The following ZNF831 variants were observed in gnomAD, a reference collection of about 807,000 sequenced individuals.
ZNF831 encodes chromosome 20 open reading frame 174.
A neutral mutation model predicts 95.8 loss-of-function variants in ZNF831; 59 were observed. The observed-to-expected ratio is 0.62, with a 90% confidence interval of 0.50 to 0.77. ZNF831 has a LOEUF of 0.77. Ranked by LOEUF, ZNF831 falls within the 30% of genes least tolerant of loss-of-function variation. The pLI, the probability that ZNF831 is intolerant of heterozygous loss-of-function variation, is 0.00. For synonymous variants in ZNF831, 961 were observed against 925.5 expected, an observed-to-expected ratio of 1.04 and a Z score of -0.70; for missense variants, 2,205 against 2,164.0, an observed-to-expected ratio of 1.02 and a Z score of -0.38.
rs1276274685 is a variant in ZNF831 at position 59,191,177 on chromosome 20, T to G, written c.158T>G (p.Val53Gly). The G allele has an allele frequency of 3.1e-6, 5 of 1,600,258 alleles. No individual in the cohort carries two copies. Among genetic ancestry groups the G allele is most frequent in the Non-Finnish European group, 3.4e-6 (4 of 1,176,276 alleles). ...PPEQGLAPPT[V>G]FLKALPIPLY... ...GAGCAGGGCCTGGCCCCCCCCACTG[T>G]GTTCCTGAAGGCCCTGCCCATCCCA... is the stretch of plus-strand genomic sequence containing the variant. Residue 53 changes from valine to glycine, a missense_variant, in exon 2 of 6, where the codon GTG becomes GGG. By Grantham distance (109) the Val-to-Gly change is moderately radical (BLOSUM62 -3). Coordinates refer to ENST00000371030, the MANE Select transcript of ZNF831 (RefSeq NM_178457.3).
intron 4 of ZNF831, among the ~76,000 whole-genome samples, chr20:59,213,485 T>C (rs6026763): frequency 0.014 from 2,181 of 152,314 alleles, 62 homozygotes; most frequent in African/African-American, 0.05. Context: ...AAGACCTTGT[T>C]TACCAAGCTG....
intron 3 of ZNF831, among the ~76,000 whole-genome samples, chr20:59,197,491 C>T (rs902222820): frequency 8.5e-5 from 13 of 152,190 alleles, no homozygotes; most frequent in African/African-American, 3.1e-4. Context: ...TGCACCCCAG[C>T]CTGTCCTGGG....
rs533848524 is a variant in ZNF831 at position 59,233,734 on chromosome 20, C to T, written c.4028-19244C>T. 4.6e-5 allele frequency among the ~76,000 whole-genome samples: 7 copies of T among 152,298 alleles called. No homozygotes were observed. The South Asian group carries it at 1.4e-3, about 32-fold the overall frequency. ...TATTTTTCAGACCTACATCACTCCT[C>T]TGCTTTATCCCAAACACATGACAGG... On this transcript the variant is annotated intron_variant, in intron 4 of 5. Transcript: ENST00000371030.
In ZNF831 at chr20:59,191,679, C is replaced by T. The variant is rs755456151; in HGVS notation, c.660C>T (p.Ala220=). The part of the protein sequence containing the change: ...GGGLLEEGDK[A]GEPPRPEGRG... Reference sequence around the variant, plus strand: ...GCCTCCTGGAGGAAGGGGACAAGGCCGGAGAGCCCCCCAGACCAGAGGGCA... The same window carrying T: ...GCCTCCTGGAGGAAGGGGACAAGGCTGGAGAGCCCCCCAGACCAGAGGGCA... Residue 220 remains alanine, a synonymous_variant, in exon 2 of 6, where the codon GCC becomes GCT. Transcript: ENST00000371030. 3.8e-6 allele frequency: 6 copies of T among 1,558,990 alleles called. No homozygotes were observed. Among genetic ancestry groups the T allele is most frequent in the South Asian group, 3.7e-5 (3 of 81,816 alleles).
chr20:59,186,224 G>C (rs888634274), intron 1 of ZNF831, among the ~76,000 whole-genome samples: 1 of 152,100 alleles, frequency 6.6e-6, no homozygotes, highest in African/African-American at 2.4e-5. Flanking sequence ...TTCCTTACAA[G>C]TGTTTCCTGG....
intron 1 of ZNF831, among the ~76,000 whole-genome samples, chr20:59,164,665 C>A (rs1009727870): frequency 2.0e-5 from 3 of 152,094 alleles, no homozygotes; most frequent in African/African-American, 7.2e-5. Flanking sequence ...TTTGATAGAG[C>A]TACTATTTAT....
intron 4 of ZNF831, among the ~76,000 whole-genome samples, chr20:59,243,159 C>A (rs1186698391): frequency 2.0e-5 from 3 of 152,194 alleles, no homozygotes; most frequent in African/African-American, 7.2e-5. Context: ...TTAATGGAAT[C>A]TTTTCTTTTG....
chr20:59,192,842 G>A lies in ZNF831; in HGVS notation c.1823G>A (p.Gly608Asp). ...GKGRAGGRKCGQRRLKMFSQE... is the reference protein window; with the variant it reads ...GKGRAGGRKCDQRRLKMFSQE... ...GGCAGAGCGGGCGGCAGGAAGTGCG[G>A]CCAGAGAAGGCTGAAGATGTTCTCC... The change falls in exon 2 of 6, where the codon GGC (glycine) becomes GAC (aspartate). Residue 608 changes from glycine to aspartate, a missense_variant. By Grantham distance (94) the Gly-to-Asp change is moderately conservative. Transcript: ENST00000371030. The surrounding 1 kb of genome is among the most constrained non-coding windows in gnomAD (Gnocchi z 5.2). The A allele has an allele frequency of 1.2e-6, 2 of 1,605,500 alleles. No homozygotes were observed. The highest frequency in any genetic ancestry group is 1.1e-5 in the South Asian group (1 of 89,716).
At chr20:59,187,967 T>C (rs1349521055) in intron 1 of ZNF831, among the ~76,000 whole-genome samples, 1 of 152,288 alleles carries the variant, frequency 6.6e-6, no homozygotes, top group Non-Finnish European at 1.5e-5. Flanking sequence ...TGTTGTAGCA[T>C]GTGCAAGCAC....
At chr20:59,155,938 C>A (rs980287928) in intron 2 of ZNF831, among the ~76,000 whole-genome samples, 4 of 152,072 alleles carry the variant, frequency 2.6e-5, no homozygotes, top group African/African-American at 9.7e-5. Flanking sequence ...TGTGCTCCCC[C>A]TCATGCTCAA....
chr20:59,214,230 T>A (rs1000820251), intron 4 of ZNF831, among the ~76,000 whole-genome samples: 1 of 152,220 alleles, frequency 6.6e-6, no homozygotes, highest in Non-Finnish European at 1.5e-5. Flanking sequence ...GCATGGTGTG[T>A]GCCATTTGGT....
chr20:59,246,097 G>T (rs944032207), intron 4 of ZNF831, among the ~76,000 whole-genome samples: 3 of 152,016 alleles, frequency 2.0e-5, no homozygotes, highest in African/African-American at 4.8e-5. Context: ...CTCTCCCTCC[G>T]CAGTCTGTCT....
intron 1 of ZNF831, among the ~76,000 whole-genome samples, chr20:59,184,711 G>T (rs1047314045): frequency 1.3e-5 from 2 of 152,140 alleles, no homozygotes; most frequent in Non-Finnish European, 2.9e-5. Flanking sequence ...TATCCAATAT[G>T]CTTCTCCATG....
intron 2 of ZNF831, among the ~76,000 whole-genome samples, chr20:59,147,327 C>T (rs900431724): frequency 2.0e-5 from 3 of 152,208 alleles, no homozygotes; most frequent in Non-Finnish European, 2.9e-5. Flanking sequence ...AGGGCCCTCG[C>T]GTGTCACTCT....
intron 2 of ZNF831, 91 bp from the exon 3 acceptor site, chr20:59,195,778 G>A: frequency 6.6e-7 from 1 of 1,520,830 alleles, no homozygotes; most frequent in Non-Finnish European, 8.8e-7. Flanking sequence ...TCTGAAGACA[G>A]GCATCTTGTC....
intron 4 of ZNF831, among the ~76,000 whole-genome samples, chr20:59,246,753 G>T (rs1264224749): frequency 6.6e-6 from 1 of 152,192 alleles, no homozygotes; most frequent in African/African-American, 2.4e-5. Context: ...TGAAGTAAAA[G>T]ATTAGTTTAT....
intron 1 of ZNF831, among the ~76,000 whole-genome samples, chr20:59,134,223 C>G (rs2146438456): frequency 6.6e-6 from 1 of 152,340 alleles, no homozygotes; most frequent in East Asian, 1.9e-4. Flanking sequence ...CTCTCCCTCC[C>G]TACCAAAGAG....
At chr20:59,187,403 C>T (rs1983139953) in intron 1 of ZNF831, among the ~76,000 whole-genome samples, 1 of 152,096 alleles carries the variant, frequency 6.6e-6, no homozygotes, top group African/African-American at 2.4e-5. Context: ...AAGAAGACGG[C>T]CATCTAGGTA....
chr20:59,159,800 T>C (rs533653881), upstream of ZNF831: 1 of 152,436 alleles, frequency 6.6e-6, no homozygotes, highest in East Asian at 1.9e-4. Context: ...AGAGGAGCCC[T>C]GGGTTCCGCT....
Sources: gnomAD v4.1 joint callset for allele counts (sites outside exome capture counted in the v4.1 genomes callset) on GRCh38, gnomAD v4.1.1 for gene constraint, Gnocchi (gnomAD v3.1) non-coding constraint, MANE v1.5 for transcripts, NCBI Gene and HGNC (gene_info 2026-07-23, HGNC 2026-07-21) for gene names.